Variants in GC observed in about 807,000 individuals in gnomAD.
GC encodes GC vitamin D binding protein.
A neutral mutation model predicts 56.7 loss-of-function variants in GC; 43 were observed. The observed-to-expected ratio is 0.76, with a 90% confidence interval of 0.59 to 0.98. The LOEUF (loss-of-function observed/expected upper bound fraction) is 0.98, where lower values mean the gene tolerates loss of function less well. Among genes scored for constraint, GC ranks in the 50% least tolerant of loss-of-function variants. The pLI, the probability that GC is intolerant of heterozygous loss-of-function variation, is 0.00. For synonymous variants in GC, 216 were observed against 202.7 expected (o/e 1.07, Z -0.56); for missense variants, 529 against 545.9 (o/e 0.97, Z 0.31).
At chr4:71,767,043 G>A (rs922530555) in intron 3 of GC, among the ~76,000 whole-genome samples, 1 of 152,050 alleles carries the variant, frequency 6.6e-6, no homozygotes, top group African/African-American at 2.4e-5. Context: ...ATGATTTGAC[G>A]CTTTCTTATT....
At position 71,763,486 on chromosome 4, in the gene GC, T is replaced by C. The variant is rs762759086; in HGVS notation, c.623A>G (p.His208Arg). 9 of 1,595,490 alleles carry C rather than the reference T, an allele frequency of 5.6e-6. No individual in the cohort carries two copies. Among genetic ancestry groups the C allele is most frequent in the Admixed American group, 3.3e-5 (2 of 59,898 alleles). The change falls in exon 6 of 13, where the codon CAT becomes CGT. Residue 208 changes from histidine (H) to arginine (R), a missense_variant. Coordinates refer to ENST00000273951, the MANE Select transcript of GC (RefSeq NM_000583.4). ...CFLKERLQLK[H>R]LSLLTTLSNR... The stretch of plus-strand genomic sequence containing the variant: ...TGACAGAGTGGTGAGAAGTGATAAA[T>C]GTTTAAGCTGGAGTCTCTAGAAAAC...
chr4:71,757,930 A>G (rs1741837017), intron 7 of GC, 112 bp downstream of exon 7: 3 of 750,226 alleles, frequency 4.0e-6, no homozygotes, highest in Non-Finnish European at 6.4e-6. Flanking sequence ...AATACATGTA[A>G]GCATCCGTTA....
chr4:71,799,667 C>G (rs1743201855), intron 1 of GC, among the ~76,000 whole-genome samples: 1 of 152,130 alleles, frequency 6.6e-6, no homozygotes, highest in Non-Finnish European at 1.5e-5. Flanking sequence ...GCAGACAACA[C>G]CAGACCAACG....
chr4:71,775,902 AT>A (rs1268091794), intron 1 of GC, among the ~76,000 whole-genome samples: 18 of 152,084 alleles, frequency 1.2e-4, no homozygotes, highest in Admixed American at 2.6e-4. Context: ...TTTATAAAAA[AT>A]GTTCAGCATC....
chr4:71,797,307 A>C (rs1743129824), intron 1 of GC, among the ~76,000 whole-genome samples: 1 of 152,234 alleles, frequency 6.6e-6, no homozygotes, highest in South Asian at 2.1e-4. Context: ...ACATCTGTAG[A>C]GGCAGTAGGC....
intron 1 of GC, among the ~76,000 whole-genome samples, chr4:71,772,219 G>C (rs1274854820): frequency 6.6e-6 from 1 of 152,048 alleles, no homozygotes. Context: ...AAGGCTTACT[G>C]TATTTTAAGA....
intron 7 of GC, among the ~76,000 whole-genome samples, chr4:71,757,496 AAAAAAAATTG>A (rs1268043684): frequency 1.9e-5 from 2 of 107,786 alleles, no homozygotes; most frequent in Non-Finnish European, 3.4e-5. Context: ...GAAAAATGGT[AAAAAAAATTG>A]AGATGGGCAT....
chr4:71,758,996 G>A (rs1278042694), intron 6 of GC, among the ~76,000 whole-genome samples: 2 of 152,018 alleles, frequency 1.3e-5, no homozygotes, highest in Non-Finnish European at 2.9e-5. Flanking sequence ...TTATGATTTT[G>A]ATTACTTTAA....
intron 6 of GC, among the ~76,000 whole-genome samples, chr4:71,761,352 A>C (rs565146109): frequency 7.9e-5 from 12 of 152,348 alleles, no homozygotes; most frequent in Middle Eastern, 3.4e-3. Flanking sequence ...AGGAATTTCT[A>C]AGCAGCAAAG....
intron 6 of GC, among the ~76,000 whole-genome samples, chr4:71,760,565 A>G (rs1447187225): frequency 1.3e-5 from 2 of 152,194 alleles, no homozygotes; most frequent in African/African-American, 2.4e-5. Context: ...ATACAAGTTA[A>G]CAGTAGTCAT....
In GC at chr4:71,765,612, C is replaced by G. The variant is rs777041147; in HGVS notation, c.293G>C (p.Ser98Thr). Residue 98 changes from serine to threonine, a missense_variant, in exon 4 of 13, where the codon AGT becomes ACT. Physicochemically the swap from Ser to Thr is moderately conservative, Grantham distance 58. Transcript: ENST00000273951. ...TSALSAKSCE[S>T]NSPFPVHPGT... Reference sequence around the variant, plus strand: ...TGGGTGAACGGGGAATGGAGAATTACTTTCACAGGACTTGGCAGACAGTGC... The same window carrying G: ...TGGGTGAACGGGGAATGGAGAATTAGTTTCACAGGACTTGGCAGACAGTGC... 2.5e-6 allele frequency: 4 copies of G among 1,613,342 alleles called. No homozygotes were observed. Among genetic ancestry groups the G allele is most frequent in the Non-Finnish European group, 3.4e-6 (4 of 1,179,536 alleles).
intron 1 of GC, among the ~76,000 whole-genome samples, chr4:71,789,585 G>C (rs1742923295): frequency 6.6e-6 from 1 of 151,904 alleles, no homozygotes; most frequent in African/African-American, 2.4e-5. Flanking sequence ...TCAGTTTTCA[G>C]GAATTTCTTT....
intron 11 of GC, among the ~76,000 whole-genome samples, chr4:71,750,110 C>T (rs557835381): frequency 5.1e-4 from 77 of 152,134 alleles, no homozygotes; most frequent in African/African-American, 1.8e-3. Context: ...GAATGCATAG[C>T]CCAAGACTTT....
chr4:71,803,845 T>G, intron 1 of GC: 1 of 796,346 alleles, frequency 1.3e-6, no homozygotes, highest in South Asian at 1.4e-5. Flanking sequence ...GTCAGAACAT[T>G]GTAAATTCAT....
intron 6 of GC, among the ~76,000 whole-genome samples, chr4:71,760,738 C>T (rs1741941726): frequency 6.6e-6 from 1 of 152,064 alleles, no homozygotes. Context: ...CTGAGCTGTT[C>T]CCGTGACAGT....
intron 1 of GC, among the ~76,000 whole-genome samples, chr4:71,781,269 A>G (rs1442635270): frequency 6.6e-6 from 1 of 152,036 alleles, no homozygotes; most frequent in African/African-American, 2.4e-5. Flanking sequence ...TAGCATTAGG[A>G]GAAATACCTA....
chr4:71,746,301 T>G (rs1033844745), intron 11 of GC, 96 bp from the exon 12 acceptor site: 3 of 603,766 alleles, frequency 5.0e-6, no homozygotes, highest in Non-Finnish European at 6.0e-6. Context: ...GAAACCTTGG[T>G]TAGGGGAGCG....
intron 12 of GC, among the ~76,000 whole-genome samples, chr4:71,742,964 A>G (rs1292269256): frequency 6.6e-6 from 1 of 152,106 alleles, no homozygotes; most frequent in African/African-American, 2.4e-5. Context: ...ACAGAGTGAG[A>G]TTCCGTCTTG....
At chr4:71,746,767 T>C (rs1417288021) in intron 11 of GC, among the ~76,000 whole-genome samples, 1 of 103,338 alleles carries the variant, frequency 9.7e-6, no homozygotes, top group Non-Finnish European at 2.0e-5. Context: ...AATACCTCTA[T>C]TTTGTAAAAA....
Sources: gnomAD v4.1 joint callset for allele counts (sites outside exome capture counted in the v4.1 genomes callset) on GRCh38, gnomAD v4.1.1 for gene constraint, MANE v1.5 for transcripts, NCBI Gene and HGNC (gene_info 2026-07-23, HGNC 2026-07-21) for gene names.